Variants in EBF2 observed in about 807,000 individuals in gnomAD.
EBF2 encodes EBF transcription factor 2.
In EBF2, 21 loss-of-function variants were observed where a neutral mutation model predicts 72.8. That is an observed-to-expected ratio of 0.29 (90% CI 0.20 to 0.42). The LOEUF (loss-of-function observed/expected upper bound fraction) is 0.42, where lower values mean the gene tolerates loss of function less well. EBF2 is among the 10% of genes least tolerant of loss of function. The probability of loss-of-function intolerance (pLI) is 1.00; values close to 1 mark genes in which losing one functional copy is unlikely to be tolerated. For synonymous variants in EBF2, 299 were observed against 274.2 expected (o/e 1.09, Z -0.89); for missense variants, 637 against 731.2 (o/e 0.87, Z 1.49).
At chr8:26,028,566 A>C (rs1484261817) in intron 6 of EBF2, among the ~76,000 whole-genome samples, 1 of 152,162 alleles carries the variant, frequency 6.6e-6, no homozygotes, top group Admixed American at 6.5e-5. Context: ...ACTGTCCCTA[A>C]AGTCCTCTTC....
At chr8:25,975,114 G>GA (rs1317632940) in intron 6 of EBF2, among the ~76,000 whole-genome samples, 3 of 152,096 alleles carry the variant, frequency 2.0e-5, no homozygotes, top group Non-Finnish European at 2.9e-5. Flanking sequence ...ACCCAAGTCA[G>GA]AAAAAATAAA....
intron 6 of EBF2, among the ~76,000 whole-genome samples, chr8:25,918,922 A>G (rs1324361313): frequency 6.6e-6 from 1 of 152,094 alleles, no homozygotes; most frequent in Non-Finnish European, 1.5e-5. Context: ...TGATATTAAC[A>G]CTCCACTGTA....
intron 6 of EBF2, among the ~76,000 whole-genome samples, chr8:26,007,797 C>T (rs1293428347): frequency 6.7e-6 from 1 of 150,020 alleles, no homozygotes; most frequent in Non-Finnish European, 1.5e-5. Flanking sequence ...TGCACATGTG[C>T]ACACACACAC....
At chr8:25,950,635 G>A (rs1803845549) in intron 6 of EBF2, among the ~76,000 whole-genome samples, 2 of 152,160 alleles carry the variant, frequency 1.3e-5, no homozygotes, top group Admixed American at 6.5e-5. Context: ...CAAAAAGATT[G>A]GGTCTCCTTC....
intron 6 of EBF2, among the ~76,000 whole-genome samples, chr8:25,984,976 G>T (rs1452005257): frequency 6.6e-6 from 1 of 151,524 alleles, no homozygotes; most frequent in East Asian, 1.9e-4. Context: ...ATAAGCAAAG[G>T]AAAAGGTATC....
At chr8:25,934,270 CACACA>C (rs1306226807) in intron 6 of EBF2, among the ~76,000 whole-genome samples, 4 of 139,246 alleles carry the variant, frequency 2.9e-5, no homozygotes, top group South Asian at 2.3e-4. Flanking sequence ...CACACACACA[CACACA>C]CCAATCTTGT....
At chr8:26,020,209 C>T (rs1443943855) in intron 6 of EBF2, among the ~76,000 whole-genome samples, 1 of 152,204 alleles carries the variant, frequency 6.6e-6, no homozygotes, top group Non-Finnish European at 1.5e-5. Context: ...TGCTTCCTGT[C>T]ATGACCAAAT....
chr8:25,854,388 G>C (rs1177686003), intron 14 of EBF2, among the ~76,000 whole-genome samples: 1 of 152,124 alleles, frequency 6.6e-6, no homozygotes, highest in Non-Finnish European at 1.5e-5. Flanking sequence ...AGGATTTTAT[G>C]CAGCCCAGCT....
chr8:25,847,583 T>G (rs1234899740), intron 15 of EBF2, among the ~76,000 whole-genome samples: 1 of 152,200 alleles, frequency 6.6e-6, no homozygotes, highest in Non-Finnish European at 1.5e-5. Context: ...TGCCTAGTTC[T>G]TCACACAAAT....
chr8:25,894,181 CATAG>C (rs1205105381), intron 7 of EBF2, among the ~76,000 whole-genome samples: 2 of 152,180 alleles, frequency 1.3e-5, no homozygotes, highest in African/African-American at 4.8e-5. Flanking sequence ...TATTTCTATA[CATAG>C]AGACACACAC....
intron 10 of EBF2, among the ~76,000 whole-genome samples, chr8:25,885,458 G>A (rs1802673573): frequency 6.6e-6 from 1 of 152,084 alleles, no homozygotes; most frequent in African/African-American, 2.4e-5. Flanking sequence ...CTATGAATTT[G>A]ACTACTGTAT....
At chr8:25,847,422 T>C (rs1362161078) in intron 15 of EBF2, among the ~76,000 whole-genome samples, 1 of 152,254 alleles carries the variant, frequency 6.6e-6, no homozygotes, top group East Asian at 1.9e-4. Flanking sequence ...GTTTCCTCTC[T>C]CTCTGTACTC....
chr8:25,903,172 T>C (rs1471829149), intron 7 of EBF2, among the ~76,000 whole-genome samples: 1 of 150,854 alleles, frequency 6.6e-6, no homozygotes, highest in African/African-American at 2.5e-5. Flanking sequence ...GGCATCCTCA[T>C]GACATTTTGT....
chr8:25,906,022 GC>G (rs1392498284), intron 7 of EBF2, among the ~76,000 whole-genome samples: 1 of 152,124 alleles, frequency 6.6e-6, no homozygotes, highest in Non-Finnish European at 1.5e-5. Context: ...TTTATTCTAT[GC>G]CAATGAAAAA....
chr8:25,884,222 G>T (rs575118825), intron 10 of EBF2, among the ~76,000 whole-genome samples: 10 of 152,140 alleles, frequency 6.6e-5, no homozygotes, highest in Non-Finnish European at 1.5e-4. Flanking sequence ...CCTCCCACTT[G>T]TAATCTTGCT....
chr8:25,991,417 T>A (rs1804543651), intron 6 of EBF2, among the ~76,000 whole-genome samples: 1 of 152,230 alleles, frequency 6.6e-6, no homozygotes, highest in African/African-American at 2.4e-5. Flanking sequence ...GGAACTGAAC[T>A]GGAAGACTTT....
rs66503039 is a variant in EBF2, at chr8:26,009,107, G to GAAA, written c.551+23975_551+23977dup. 7.9e-4 allele frequency among the ~76,000 whole-genome samples: 67 copies of GAAA among 85,026 alleles called. 2 individuals carry two copies. The highest frequency in any genetic ancestry group is 2.9e-3 in the African/African-American group (59 of 20,132). The allele number at this position is 85,026 out of a possible 152,430, so 55.8% of individuals were successfully genotyped here. A position where few individuals can be genotyped will look rare whatever the true frequency, so the allele number is the denominator to read the frequency against. On this transcript the variant is annotated intron_variant, in intron 6 of 15. Coordinates refer to ENST00000520164, the MANE Select transcript of EBF2 (RefSeq NM_022659.4). ...TTTTAAGTTATCCATGAGTAAAAGCGAAAAAAAAAAAAAAAAAAAAAAACC... is the reference window on the plus strand; with the variant it reads ...TTTTAAGTTATCCATGAGTAAAAGCGAAAAAAAAAAAAAAAAAAAAAAAAAACC...
At chr8:25,989,400 C>A (rs1018111067) in intron 6 of EBF2, among the ~76,000 whole-genome samples, 1 of 152,080 alleles carries the variant, frequency 6.6e-6, no homozygotes, top group South Asian at 2.1e-4. Flanking sequence ...AGATCTGTGT[C>A]GTAGTAAACT....
At chr8:25,859,530 C>T (rs1299510652) in intron 13 of EBF2, among the ~76,000 whole-genome samples, 1 of 151,948 alleles carries the variant, frequency 6.6e-6, no homozygotes, top group Non-Finnish European at 1.5e-5. Context: ...ATGCCTGGGA[C>T]GGGGGAAGGA....
Sources: allele counts gnomAD v4.1 joint callset (sites outside exome capture counted in the v4.1 genomes callset), GRCh38; gene constraint gnomAD v4.1.1; transcripts MANE v1.5; gene names NCBI Gene and HGNC (gene_info 2026-07-23, HGNC 2026-07-21).